Variants in CHST15 observed in about 807,000 individuals in gnomAD.
CHST15 encodes the protein B cell RAG associated protein (GALNAC4S-6ST).
A neutral mutation model predicts 53.6 loss-of-function variants in CHST15; 30 were observed. The observed-to-expected ratio is 0.56, with a 90% confidence interval of 0.42 to 0.76. The LOEUF (loss-of-function observed/expected upper bound fraction) is 0.76. Ranked by LOEUF, CHST15 falls within the 30% of genes least tolerant of loss-of-function variation. CHST15 has a pLI of 0.00. For synonymous variants in CHST15, 296 were observed against 289.8 expected (o/e 1.02, Z -0.22); for missense variants, 627 against 740.5 (o/e 0.85, Z 1.78).
rs1202251199 is a variant in CHST15 at position 124,009,044 on chromosome 10, T to C, written c.*1105A>G. 29 of 1,288,726 alleles carry C rather than the reference T, an allele frequency of 2.3e-5. No homozygotes were observed. Among genetic ancestry groups the C allele is most frequent in the East Asian group, 1.7e-4 (3 of 18,040 alleles). The allele number at this position is 1,288,726 out of a possible 1,614,324, so 79.8% of individuals were successfully genotyped here. A position where few individuals can be genotyped will look rare whatever the true frequency, so the allele number is the denominator to read the frequency against. On this transcript the variant is annotated 3_prime_UTR_variant, in exon 8 of 8. Coordinates refer to ENST00000435907, the MANE Select transcript of CHST15 (RefSeq NM_001270764.2). ...TTTGGAATTGGGACACGAGTATCTA[T>C]AGTCCCTTGCTGGGTGAGGAACTTT...
intron 6 of CHST15, chr10:124,020,619 C>A: frequency 1.0e-6 from 1 of 987,452 alleles, no homozygotes. Context: ...CACTCTGGAA[C>A]ACGCAGCGGC....
chr10:124,030,649 G>A (rs1947190426), intron 5 of CHST15, among the ~76,000 whole-genome samples: 1 of 152,232 alleles, frequency 6.6e-6, no homozygotes, highest in Non-Finnish European at 1.5e-5. Context: ...GGAACAGCCT[G>A]CGTTTTAATC....
chr10:124,087,698 C>A (rs1949473405), intron 1 of CHST15, among the ~76,000 whole-genome samples: 1 of 152,174 alleles, frequency 6.6e-6, no homozygotes, highest in Non-Finnish European at 1.5e-5. Context: ...CTGCCGAAGC[C>A]AGGAGCCCCC....
At position 124,064,684 on chromosome 10, in the gene CHST15, C is replaced by T. The variant is rs140110565; in HGVS notation, c.-512-17960G>A. Among the ~76,000 whole-genome samples the T allele has an allele frequency of 3.8e-3, 538 of 142,360 alleles. 10 individuals are homozygous for T. The South Asian group carries it at 0.058, about 15-fold the overall frequency. 93.4% of individuals were successfully genotyped at this position (142,360 alleles called of 152,430 possible). ...ACCCCCGAGCCCCCACTCCTGCTGGCGGCCTTTATCTCGCTGTCTCTGTGT... is the reference window on the plus strand; with the variant it reads ...ACCCCCGAGCCCCCACTCCTGCTGGTGGCCTTTATCTCGCTGTCTCTGTGT... On this transcript the variant is annotated intron_variant, in intron 1 of 7. Transcript: ENST00000435907.
At chr10:124,084,218 G>A (rs1267109879) in intron 1 of CHST15, among the ~76,000 whole-genome samples, 1 of 152,202 alleles carries the variant, frequency 6.6e-6, no homozygotes, top group Non-Finnish European at 1.5e-5. Context: ...AAGGACAAAG[G>A]AAGCCCTTGG....
intron 1 of CHST15, among the ~76,000 whole-genome samples, chr10:124,085,987 G>C (rs1328223389): frequency 6.6e-6 from 1 of 152,144 alleles, no homozygotes; most frequent in African/African-American, 2.4e-5. Context: ...TCTGGTAAAA[G>C]CACAGGCCCT....
At chr10:124,029,037 C>T (rs571653518) in intron 5 of CHST15, among the ~76,000 whole-genome samples, 4 of 152,204 alleles carry the variant, frequency 2.6e-5, no homozygotes, top group Non-Finnish European at 5.9e-5. Flanking sequence ...GCTGTGGCCA[C>T]GTGAGGGTTG....
intron 5 of CHST15, among the ~76,000 whole-genome samples, chr10:124,023,018 C>T (rs1244392290): frequency 6.6e-6 from 1 of 151,930 alleles, no homozygotes; most frequent in African/African-American, 2.4e-5. Context: ...TGGGGTTTCA[C>T]CATGTTGGCC....
intron 5 of CHST15, among the ~76,000 whole-genome samples, chr10:124,034,318 G>A (rs1339991751): frequency 2.0e-5 from 3 of 152,160 alleles, no homozygotes; most frequent in African/African-American, 7.2e-5. Context: ...GGGGGACCAT[G>A]CTGTGAACTG....
At chr10:124,093,352 C>T (rs1362980786) in intron 1 of CHST15, 117 bp downstream of exon 1, 1 of 152,466 alleles carries the variant, frequency 6.6e-6, no homozygotes, top group Non-Finnish European at 1.5e-5. Flanking sequence ...CCCCGGCCGC[C>T]GCCGGCGCTG....
intron 1 of CHST15, among the ~76,000 whole-genome samples, chr10:124,077,544 T>G (rs1949117488): frequency 6.6e-6 from 1 of 152,206 alleles, no homozygotes; most frequent in Non-Finnish European, 1.5e-5. Context: ...TTACCTTAGT[T>G]GAGTGATGTG....
At chr10:124,010,968 C>T in intron 7 of CHST15, 2 of 985,358 alleles carry the variant, frequency 2.0e-6, no homozygotes, top group Non-Finnish European at 2.4e-6. Flanking sequence ...CCCCACGCCC[C>T]GCCCTCTGGA....
In CHST15 at chr10:124,021,001, C is replaced by T. The variant is rs878981385; in HGVS notation, c.1347+255G>A. On this transcript the variant is annotated intron_variant, in intron 6 of 7. Transcript: ENST00000435907. ...CTAAATGGTAATCTTCCTAAAGGCA[C>T]CCTCATCCTCCTGCTGAGGGAGGAG... 166 of 1,422,564 alleles carry T rather than the reference C, an allele frequency of 1.2e-4. No homozygotes were observed. The South Asian group carries it at 2.3e-3, about 20-fold the overall frequency. 88.1% of individuals were successfully genotyped at this position (1,422,564 alleles called of 1,614,324 possible). A position where few individuals can be genotyped will look rare whatever the true frequency, so the allele number is the denominator to read the frequency against.
At chr10:124,028,449 G>A (rs1001528457) in intron 5 of CHST15, among the ~76,000 whole-genome samples, 2 of 152,122 alleles carry the variant, frequency 1.3e-5, no homozygotes, top group African/African-American at 4.8e-5. Flanking sequence ...TGTTCATATC[G>A]TTTTTATATT....
intron 1 of CHST15, among the ~76,000 whole-genome samples, chr10:124,071,843 A>C (rs956541803): frequency 2.2e-4 from 34 of 152,210 alleles, no homozygotes; most frequent in African/African-American, 8.0e-4. Flanking sequence ...GTTAAAAGTA[A>C]ATGAGATGTA....
intron 7 of CHST15, chr10:124,011,817 CAAG>C (rs1946425638): frequency 1.0e-6 from 1 of 985,326 alleles, no homozygotes; most frequent in African/African-American, 1.7e-5. Context: ...CTGGAATTTC[CAAG>C]AATACCGGAG....
chr10:124,089,286 AG>A (rs1273968090), intron 1 of CHST15, among the ~76,000 whole-genome samples: 1 of 152,242 alleles, frequency 6.6e-6, no homozygotes, highest in South Asian at 2.1e-4. Context: ...CTCCCAAGTC[AG>A]CTACCACTTT....
rs894286165 is a variant in CHST15 at position 124,024,955 on chromosome 10, G to C, written c.1191-3543C>G. Among the ~76,000 whole-genome samples, 1 of 152,116 alleles carries C rather than the reference G, an allele frequency of 6.6e-6. No individual in the cohort carries two copies. Among genetic ancestry groups the C allele is most frequent in the Non-Finnish European group, 1.5e-5 (1 of 68,020 alleles). Reference sequence around the variant, plus strand: ...AAAATCCCACGTTAAATAAGTATTCGAAGCCCAGTTTTTACCAAAGATGCC... The same window carrying C: ...AAAATCCCACGTTAAATAAGTATTCCAAGCCCAGTTTTTACCAAAGATGCC... On this transcript the variant is annotated intron_variant, in intron 5 of 7. Coordinates refer to ENST00000435907, the MANE Select transcript of CHST15 (RefSeq NM_001270764.2). The surrounding 1 kb of genome is among the most constrained non-coding windows in gnomAD (Gnocchi z 4.0).
chr10:124,090,517 G>A (rs1949571455), intron 1 of CHST15, among the ~76,000 whole-genome samples: 1 of 152,222 alleles, frequency 6.6e-6, no homozygotes, highest in African/African-American at 2.4e-5. Flanking sequence ...CTTGTCTGCT[G>A]TTTCTCAAGA....
Sources: gnomAD v4.1 joint callset for allele counts (sites outside exome capture counted in the v4.1 genomes callset) on GRCh38, gnomAD v4.1.1 for gene constraint, Gnocchi (gnomAD v3.1) non-coding constraint, MANE v1.5 for transcripts, NCBI Gene and HGNC (gene_info 2026-07-23, HGNC 2026-07-21) for gene names.